Variants in PCSK5 observed in about 807,000 individuals in gnomAD.
PCSK5 encodes the protein proprotein convertase subtilisin/kexin type 5, also known as prohormone convertase 5.
In PCSK5, 129 loss-of-function variants were observed where a neutral mutation model predicts 233.2. The observed-to-expected ratio is 0.55, with a 90% CI of 0.48 to 0.64. PCSK5 has a LOEUF of 0.64. Among genes scored for constraint, PCSK5 ranks in the 30% least tolerant of loss-of-function variants. The pLI is 0.00. For missense variants in PCSK5, 2,076 were observed against 2,430.1 expected (o/e 0.85, Z 3.06); for synonymous variants, 825 against 879.2 (o/e 0.94, Z 1.09).
At chr9:76,009,203 TCATAA>T (rs1194962334) in intron 3 of PCSK5, among the ~76,000 whole-genome samples, 1 of 152,204 alleles carries the variant, frequency 6.6e-6, no homozygotes, top group South Asian at 2.1e-4. Flanking sequence ...AACGTAGTGA[TCATAA>T]CATATTATTT....
chr9:76,283,278 A>G (rs1827938351), intron 24 of PCSK5, among the ~76,000 whole-genome samples: 1 of 152,202 alleles, frequency 6.6e-6, no homozygotes, highest in Admixed American at 6.5e-5. Context: ...CTACAGAGAA[A>G]TCTTTCATGT....
chr9:75,997,434 A>G (rs930422128), intron 3 of PCSK5, among the ~76,000 whole-genome samples: 4 of 152,220 alleles, frequency 2.6e-5, no homozygotes, highest in Non-Finnish European at 2.9e-5. Context: ...GCACATGCAC[A>G]TCAATATGAT....
chr9:76,235,286 C>G (rs2131321798), intron 22 of PCSK5, among the ~76,000 whole-genome samples: 1 of 147,912 alleles, frequency 6.8e-6, no homozygotes, highest in East Asian at 2.1e-4. Flanking sequence ...CTCTTTATGC[C>G]TCTTCTTATT....
chr9:76,233,467 G>T lies in PCSK5; in HGVS notation c.2737G>T (p.Asp913Tyr), dbSNP rs775880123. Residue 913 changes from aspartate (D) to tyrosine (Y), a missense_variant, in exon 22 of 38, where the codon GAT becomes TAT. Around this residue, in one of 6 missense-constraint regions of PCSK5, gnomAD observed 1,510 missense variants for 1,538.1 expected, o/e 0.98. Transcript: ENST00000674117. ...CTTCPMTRIFDDGRCVSNCPS... is the reference protein window; with the variant it reads ...CTTCPMTRIFYDGRCVSNCPS... The stretch of plus-strand genomic sequence containing the variant: ...AGTCTGCTTTTCCTCTAGGATTTTT[G>T]ATGATGGCCGCTGTGTTTCGAACTG... 2.5e-6 allele frequency: 4 copies of T among 1,612,570 alleles called. No individual in the cohort carries two copies. The highest frequency in any genetic ancestry group is 4.5e-5 in the East Asian group (2 of 44,872).
intron 22 of PCSK5, among the ~76,000 whole-genome samples, chr9:76,237,839 T>C (rs1292821751): frequency 6.6e-6 from 1 of 152,182 alleles, no homozygotes; most frequent in Non-Finnish European, 1.5e-5. Context: ...ATAAATGATG[T>C]GAAAGTGCCA....
intron 20 of PCSK5, among the ~76,000 whole-genome samples, chr9:76,197,437 T>C (rs189687772): frequency 5.5e-4 from 84 of 152,334 alleles, no homozygotes; most frequent in African/African-American, 1.9e-3. Flanking sequence ...GAAGGGGAAG[T>C]GATTGCTATA....
intron 37 of PCSK5, among the ~76,000 whole-genome samples, chr9:76,355,263 G>C (rs1243245182): frequency 2.0e-5 from 3 of 152,164 alleles, no homozygotes; most frequent in Admixed American, 1.3e-4. Context: ...ACAAGGTCAG[G>C]AGATCGAGAA....
chr9:76,219,273 G>A (rs889327445), intron 20 of PCSK5, among the ~76,000 whole-genome samples: 1 of 152,156 alleles, frequency 6.6e-6, no homozygotes, highest in Non-Finnish European at 1.5e-5. Context: ...TTGATGCAGA[G>A]AAAGAGAAAG....
At chr9:76,238,911 C>A (rs758384224) in intron 22 of PCSK5, 48 bp from the exon 23 acceptor site, 3 of 1,353,940 alleles carry the variant, frequency 2.2e-6, no homozygotes, top group Non-Finnish European at 3.1e-6. Context: ...AGCTTCATGG[C>A]TAACTTTGTA....
At chr9:75,944,215 A>G (rs1488939625) in intron 2 of PCSK5, among the ~76,000 whole-genome samples, 1 of 150,658 alleles carries the variant, frequency 6.6e-6, no homozygotes, top group Admixed American at 6.6e-5. Context: ...ATACATATAT[A>G]TATAAATAAA....
intron 1 of PCSK5, among the ~76,000 whole-genome samples, chr9:75,911,604 T>A (rs1822742062): frequency 6.6e-6 from 1 of 152,216 alleles, no homozygotes; most frequent in Admixed American, 6.5e-5. Context: ...CAGTCATTAT[T>A]GCTTCTGAAG....
At chr9:76,198,817 T>C (rs1824799290) in intron 20 of PCSK5, among the ~76,000 whole-genome samples, 1 of 152,162 alleles carries the variant, frequency 6.6e-6, no homozygotes, top group African/African-American at 2.4e-5. Context: ...ATGGTTACAA[T>C]GTGAATCCGT....
At chr9:75,970,788 A>AT (rs1045650241) in intron 2 of PCSK5, among the ~76,000 whole-genome samples, 6 of 151,834 alleles carry the variant, frequency 4.0e-5, no homozygotes, top group East Asian at 1.9e-4. Flanking sequence ...CGCCTGGTTA[A>AT]TTTTTTTGTA....
chr9:76,204,786 C>T (rs542022742), intron 20 of PCSK5, among the ~76,000 whole-genome samples: 3 of 152,056 alleles, frequency 2.0e-5, no homozygotes, highest in Non-Finnish European at 4.4e-5. Flanking sequence ...ATAAAAATAC[C>T]GTGGCACAGT....
chr9:76,276,462 A>G (rs1827690463), intron 24 of PCSK5, among the ~76,000 whole-genome samples: 1 of 152,148 alleles, frequency 6.6e-6, no homozygotes, highest in Non-Finnish European at 1.5e-5. Context: ...ATAAGATCCT[A>G]TATGATCTTG....
At position 76,083,233 on chromosome 9, in the gene PCSK5, A is replaced by C. The variant is rs186896283; in HGVS notation, c.894+11335A>C. Among the ~76,000 whole-genome samples the C allele has an allele frequency of 4.0e-5, 6 of 150,562 alleles. No homozygotes were observed. The East Asian group carries it at 1.2e-3, about 29-fold the overall frequency. On this transcript the variant is annotated intron_variant, in intron 7 of 37. Transcript: ENST00000674117. ...AAAAAAAAAAAAAAAAAAAAGAAGA[A>C]GTATTTCTTGAATACCCACTATATG...
At chr9:76,032,165 G>T (rs148125622) in intron 5 of PCSK5, among the ~76,000 whole-genome samples, 445 of 152,278 alleles carry the variant, frequency 2.9e-3, no homozygotes, top group Non-Finnish European at 4.9e-3. Flanking sequence ...GGAAGTTGAG[G>T]CATGTGCTAT....
At chr9:76,135,106 T>A (rs1238848720) in intron 10 of PCSK5, among the ~76,000 whole-genome samples, 1 of 152,042 alleles carries the variant, frequency 6.6e-6, no homozygotes, top group African/African-American at 2.4e-5. Context: ...CCTTAAAAAT[T>A]GAGGTTCTGA....
chr9:76,077,006 A>G (rs1021253277), intron 7 of PCSK5, among the ~76,000 whole-genome samples: 5 of 152,222 alleles, frequency 3.3e-5, no homozygotes, highest in Non-Finnish European at 7.3e-5. Context: ...AATCTTCATG[A>G]TGATCTCAAA....
Sources: allele counts gnomAD v4.1 joint callset (sites outside exome capture counted in the v4.1 genomes callset), GRCh38; gene constraint gnomAD v4.1.1; regional missense constraint gnomAD v4.1.1; transcripts MANE v1.5; gene names NCBI Gene and HGNC (gene_info 2026-07-23, HGNC 2026-07-21).